GABRA3: variants seen among roughly 807,000 people sequenced by gnomAD.
GABRA3 encodes gamma-aminobutyric acid receptor subunit alpha-3.
A neutral mutation model predicts 30.1 loss-of-function variants in GABRA3; 10 were observed. The ratio of observed to expected loss-of-function variants is 0.33; its 90% CI spans 0.20 to 0.56. GABRA3 has a LOEUF of 0.56. Among genes scored for constraint, GABRA3 ranks in the 20% least tolerant of loss-of-function variants. The pLI, the probability that GABRA3 is intolerant of heterozygous loss-of-function variation, is 0.89. For missense variants in GABRA3, 233 were observed against 392.0 expected (o/e 0.59, Z 3.42); for synonymous variants, 151 against 146.8 (o/e 1.03, Z -0.21).
intron 6 of GABRA3, among the ~76,000 whole-genome samples, chrX:152,218,616 T>C (rs984119137): frequency 4.5e-5 from 5 of 111,351 alleles, no homozygotes; most frequent in Non-Finnish European, 7.6e-5. Flanking sequence ...TCTATCAGTG[T>C]TGCTTCATGT....
At chrX:152,383,302 T>C (rs752626638) in intron 1 of GABRA3, among the ~76,000 whole-genome samples, 3 of 96,937 alleles carry the variant, frequency 3.1e-5, no homozygotes, top group Non-Finnish European at 6.0e-5. Flanking sequence ...TGCAGGAGAA[T>C]GATACGAACC....
At chrX:152,383,345 C>T (rs185970661) in intron 1 of GABRA3, among the ~76,000 whole-genome samples, 12 of 87,028 alleles carry the variant, frequency 1.4e-4, no homozygotes, top group African/African-American at 2.2e-4. Context: ...GCCAAGATCA[C>T]GCCACCGCAC....
At chrX:152,351,167 C>T (rs1288704594) in intron 2 of GABRA3, among the ~76,000 whole-genome samples, 1 of 111,875 alleles carries the variant, frequency 8.9e-6, no homozygotes, top group East Asian at 2.8e-4. Context: ...CTTAAAGTTA[C>T]CAGCTGCATT....
At chrX:152,385,655 G>A (rs1417778653) in intron 1 of GABRA3, among the ~76,000 whole-genome samples, 1 of 111,788 alleles carries the variant, frequency 8.9e-6, no homozygotes, top group Admixed American at 9.5e-5. Flanking sequence ...TTTTAGACAT[G>A]AAGTCCTTGC....
intron 1 of GABRA3, among the ~76,000 whole-genome samples, chrX:152,449,846 C>T (rs1224779925): frequency 8.9e-6 from 1 of 112,132 alleles, no homozygotes; most frequent in Non-Finnish European, 1.9e-5. Context: ...CTTAACCTCT[C>T]TGTGCCTCAA....
intron 1 of GABRA3, among the ~76,000 whole-genome samples, chrX:152,390,801 C>T (rs756317563): frequency 9.0e-6 from 1 of 111,164 alleles, no homozygotes; most frequent in South Asian, 3.8e-4. Context: ...TTATTTAGAA[C>T]TTATTACATA....
intron 4 of GABRA3, among the ~76,000 whole-genome samples, chrX:152,274,605 G>A (rs965976641): frequency 1.8e-5 from 2 of 111,294 alleles, no homozygotes; most frequent in African/African-American, 6.5e-5. Flanking sequence ...CTTTAGAAGT[G>A]AACAATAGTG....
intron 1 of GABRA3, among the ~76,000 whole-genome samples, chrX:152,368,183 T>C (rs776778705): frequency 2.7e-5 from 3 of 111,507 alleles, no homozygotes; most frequent in Non-Finnish European, 5.6e-5. Context: ...TTTTTGAGAA[T>C]ATATTATATT....
At position 152,189,776 on chromosome X, in the gene GABRA3, C is replaced by T. The variant is rs764636084; in HGVS notation, c.1097G>A (p.Ser366Asn). ...FATVNYFTKRSWAWEGKKVPE... is the reference protein window; with the variant it reads ...FATVNYFTKRNWAWEGKKVPE... ...CACCTTCTTGCCTTCCCAAGCCCAACTCCGCTTGGTGAAATAGTTGACAGT... is the reference window on the plus strand; with the variant it reads ...CACCTTCTTGCCTTCCCAAGCCCAATTCCGCTTGGTGAAATAGTTGACAGT... Residue 366 changes from serine (S) to asparagine (N), a missense_variant, in exon 9 of 10, where the codon AGT becomes AAT. Transcript: ENST00000370314. The T allele has an allele frequency of 1.7e-6, 2 of 1,210,432 alleles. No individual in the cohort carries two copies. Among genetic ancestry groups the T allele is most frequent in the South Asian group, 3.5e-5 (2 of 56,798 alleles).
chrX:152,397,947 T>A (rs1929703521), intron 1 of GABRA3, among the ~76,000 whole-genome samples: 1 of 112,064 alleles, frequency 8.9e-6, no homozygotes, highest in South Asian at 3.8e-4. Flanking sequence ...CCTTTGCTGC[T>A]GGGCTATCAC....
At chrX:152,230,940 A>T (rs565836599) in intron 5 of GABRA3, among the ~76,000 whole-genome samples, 147 of 110,616 alleles carry the variant, frequency 1.3e-3, no homozygotes, top group South Asian at 4.5e-3. Flanking sequence ...CAAGAAAAAA[A>T]TATGATAAAT....
intron 6 of GABRA3, among the ~76,000 whole-genome samples, chrX:152,211,518 A>C (rs1453461625): frequency 1.8e-5 from 2 of 111,792 alleles, no homozygotes; most frequent in African/African-American, 3.3e-5. Context: ...AAAGACATGA[A>C]TAAGTGGAAG....
At chrX:152,239,345 T>C (rs188153643) in intron 5 of GABRA3, among the ~76,000 whole-genome samples, 5 of 107,728 alleles carry the variant, frequency 4.6e-5, no homozygotes, top group South Asian at 8.3e-4. Context: ...TTGATTGCAC[T>C]GTGGTCTGAG....
At chrX:152,364,628 G>A (rs1219359555) in intron 1 of GABRA3, 32 bp from the exon 2 acceptor site, 2 of 1,040,050 alleles carry the variant, frequency 1.9e-6, no homozygotes, top group Admixed American at 2.6e-5. Context: ...TAAGGGATAA[G>A]AGGTAGAGAG....
At chrX:152,247,698 T>C (rs1009436968) in intron 5 of GABRA3, among the ~76,000 whole-genome samples, 2 of 111,979 alleles carry the variant, frequency 1.8e-5, no homozygotes, top group Admixed American at 1.9e-4. Context: ...ATGATTTGCC[T>C]TATTTTACAG....
At chrX:152,316,557 T>C (rs1939881030) in intron 3 of GABRA3, among the ~76,000 whole-genome samples, 2 of 111,674 alleles carry the variant, frequency 1.8e-5, no homozygotes, top group Non-Finnish European at 3.8e-5. Flanking sequence ...CACATAGTCA[T>C]CAGGTTATCT....
At chrX:152,238,866 T>C (rs1240507235) in intron 5 of GABRA3, among the ~76,000 whole-genome samples, 2 of 110,929 alleles carry the variant, frequency 1.8e-5, no homozygotes, top group Non-Finnish European at 3.8e-5. Flanking sequence ...TTATTGTGTC[T>C]ATTTGATTCT....
chrX:152,188,723 C>T (rs1937286775), intron 9 of GABRA3, among the ~76,000 whole-genome samples: 1 of 111,235 alleles, frequency 9.0e-6, no homozygotes, highest in Non-Finnish European at 1.9e-5. Context: ...AAAAATTTTG[C>T]CAACTCACCA....
At chrX:152,252,466 G>C (rs764557552) in intron 5 of GABRA3, among the ~76,000 whole-genome samples, 1 of 109,766 alleles carries the variant, frequency 9.1e-6, no homozygotes, top group Non-Finnish European at 1.9e-5. Context: ...TCGTGTCTCA[G>C]TTTTTTTTTA....
Sources: allele counts gnomAD v4.1 joint callset (sites outside exome capture counted in the v4.1 genomes callset), GRCh38; gene constraint gnomAD v4.1.1; transcripts MANE v1.5; gene names NCBI Gene and HGNC (gene_info 2026-07-23, HGNC 2026-07-21).